CLUAP1: variants seen among roughly 807,000 people sequenced by gnomAD.
The protein encoded by CLUAP1 is intraflagellar transport 38.
CLUAP1 carries 50 observed loss-of-function variants against 55.0 expected under a neutral mutation model. The ratio of observed to expected loss-of-function variants is 0.91; its 90% CI spans 0.72 to 1.15. The LOEUF (loss-of-function observed/expected upper bound fraction) is 1.15, where lower values mean the gene tolerates loss of function less well. Ranked by LOEUF, CLUAP1 falls within the 50% of genes most tolerant of loss-of-function variation. The pLI is 0.00. For missense variants in CLUAP1, 530 were observed against 507.6 expected, an observed-to-expected ratio of 1.04 and a Z score of -0.42; for synonymous variants, 195 against 175.4, an observed-to-expected ratio of 1.11 and a Z score of -0.88.
intron 10 of CLUAP1, among the ~76,000 whole-genome samples, chr16:3,531,394 C>T (rs1051078799): frequency 1.3e-5 from 2 of 151,748 alleles, no homozygotes; most frequent in Non-Finnish European, 2.9e-5. Flanking sequence ...CAATGGCGGG[C>T]GCCCATAGTC....
At chr16:3,507,787 G>A (rs1157268975) in intron 3 of CLUAP1, among the ~76,000 whole-genome samples, 1 of 151,354 alleles carries the variant, frequency 6.6e-6, no homozygotes, top group Non-Finnish European at 1.5e-5. Context: ...TGTACTTACT[G>A]TACACTACAA....
chr16:3,496,611 C>G (rs2037314279), upstream of CLUAP1: 2 of 531,620 alleles, frequency 3.8e-6, no homozygotes, highest in Non-Finnish European at 7.5e-6. Context: ...GACGGCGGCC[C>G]CGTCCTACTC....
intron 1 of CLUAP1, among the ~76,000 whole-genome samples, chr16:3,502,995 T>G (rs1229829505): frequency 1.3e-5 from 2 of 152,098 alleles, no homozygotes; most frequent in East Asian, 3.9e-4. Context: ...TTTTCTGTTC[T>G]TTTTTTGAGA....
At position 3,538,947 on chromosome 16, in the gene CLUAP1, C is replaced by T. The variant is rs577165067; in HGVS notation, c.*2676C>T. The T allele has an allele frequency of 2.0e-5, 3 of 152,106 alleles. No homozygotes were observed. Among genetic ancestry groups the T allele is most frequent in the Admixed American group, 2.0e-4 (3 of 15,288 alleles). 9.4% of individuals were successfully genotyped at this position (152,106 alleles called of 1,614,324 possible). ...TAGGTCAAATAGAAAACTAGCAGGC[C>T]ATTGCTGACAATTTTTACTATATAA... On this transcript the variant is annotated 3_prime_UTR_variant, in exon 12 of 12. Transcript: ENST00000576634.
In CLUAP1 at chr16:3,519,973, T is replaced by C; in HGVS notation, c.650T>C (p.Ile217Thr). The C allele has an allele frequency of 6.2e-7, 1 of 1,613,566 alleles. No homozygotes were observed. The highest frequency in any genetic ancestry group is 8.5e-7 in the Non-Finnish European group (1 of 1,179,854). ...GATGAAGCTAATTTAGAAGCCAAAATCGAAAAGAGAAAATTAGAACTGGAA... is the reference window on the plus strand; with the variant it reads ...GATGAAGCTAATTTAGAAGCCAAAACCGAAAAGAGAAAATTAGAACTGGAA... ...ASDEANLEAK[I>T]EKRKLELERN... is the part of the protein sequence containing the mutation. The change falls in exon 7 of 12, where the codon ATC becomes ACC. Residue 217 changes from isoleucine (I) to threonine (T), a missense_variant. Coordinates refer to ENST00000576634, the MANE Select transcript of CLUAP1 (RefSeq NM_015041.3).
intron 11 of CLUAP1, chr16:3,534,742 C>T (rs1396213113): frequency 6.6e-6 from 1 of 152,196 alleles, no homozygotes; most frequent in African/African-American, 2.4e-5. Context: ...CAGCAGAAAG[C>T]AGAGTTTCAT....
intron 11 of CLUAP1, 194 bp from the exon 12 acceptor site, chr16:3,535,928 T>C (rs1042716191): frequency 6.8e-5 from 42 of 618,286 alleles, no homozygotes; most frequent in Non-Finnish European, 1.0e-4. Flanking sequence ...AGGATTCTGG[T>C]TGGATGATAA....
At chr16:3,512,804 C>T (rs1252721406) in intron 5 of CLUAP1, among the ~76,000 whole-genome samples, 3 of 152,182 alleles carry the variant, frequency 2.0e-5, no homozygotes, top group Admixed American at 1.3e-4. Context: ...CCTCAGCCTC[C>T]CAAGTAGCTG....
At chr16:3,518,525 C>T (rs1279949781) in intron 6 of CLUAP1, among the ~76,000 whole-genome samples, 1 of 152,154 alleles carries the variant, frequency 6.6e-6, no homozygotes, top group Admixed American at 6.5e-5. Context: ...GTGGATCTTT[C>T]TTGTTTGAGG....
chr16:3,519,145 G>T (rs1049051557), intron 6 of CLUAP1, among the ~76,000 whole-genome samples: 1 of 152,170 alleles, frequency 6.6e-6, no homozygotes, highest in Non-Finnish European at 1.5e-5. Flanking sequence ...GACTCTACCT[G>T]CTTCAAATGA....
At chr16:3,505,546 CAA>C (rs1230388490) in intron 2 of CLUAP1, among the ~76,000 whole-genome samples, 98 of 59,620 alleles carry the variant, frequency 1.6e-3, no homozygotes, top group Admixed American at 4.8e-3. Flanking sequence ...GACTCCGTCT[CAA>C]AAAAAAAAAA....
chr16:3,536,081 A>C, intron 11 of CLUAP1, 41 bp from the exon 12 acceptor site: 3 of 1,605,276 alleles, frequency 1.9e-6, no homozygotes, highest in Non-Finnish European at 1.7e-6. Context: ...GTCAGGAATG[A>C]GGCAGGATCC....
At chr16:3,520,109 A>G in intron 7 of CLUAP1, 73 bp downstream of exon 7, 3 of 1,430,562 alleles carry the variant, frequency 2.1e-6, no homozygotes, top group Non-Finnish European at 2.8e-6. Flanking sequence ...GTGGTGGCTC[A>G]TGTCTGAAAT....
chr16:3,508,564 C>T (rs1457337900), intron 4 of CLUAP1, 96 bp downstream of exon 4: 5 of 1,170,278 alleles, frequency 4.3e-6, no homozygotes, highest in Non-Finnish European at 5.8e-6. Context: ...GCTTTTCTTC[C>T]TCCTCAGCTG....
chr16:3,495,488 C>G, the CLUAP1 span: 12 of 1,576,212 alleles, frequency 7.6e-6, no homozygotes, highest in Non-Finnish European at 1.0e-5. Context: ...TCTCCCCTGC[C>G]TAGGGGGTAC....
intron 6 of CLUAP1, among the ~76,000 whole-genome samples, chr16:3,519,006 T>TG (rs1230199746): frequency 6.6e-6 from 1 of 152,160 alleles, no homozygotes; most frequent in African/African-American, 2.4e-5. Flanking sequence ...GCCAGAACCC[T>TG]GGGGGGCAGT....
At chr16:3,525,708 G>T (rs118029895) in intron 8 of CLUAP1, among the ~76,000 whole-genome samples, 9,200 of 152,086 alleles carry the variant, frequency 0.06, 405 homozygotes, top group East Asian at 0.16. Context: ...GGGACTATAG[G>T]CACTTGCCAC....
upstream of CLUAP1, among the ~76,000 whole-genome samples, chr16:3,497,101 C>T (rs1350379025): frequency 2.0e-5 from 3 of 151,702 alleles, no homozygotes; most frequent in Admixed American, 6.6e-5. Context: ...AAACTCCTGA[C>T]GTCAGGTGAT....
At chr16:3,529,461 T>C (rs2038017300) in intron 9 of CLUAP1, among the ~76,000 whole-genome samples, 1 of 80,058 alleles carries the variant, frequency 1.2e-5, no homozygotes, top group African/African-American at 5.6e-5. Flanking sequence ...TTATTATATA[T>C]AATATATATT....
Sources: gnomAD v4.1 joint callset for allele counts (sites outside exome capture counted in the v4.1 genomes callset) on GRCh38, gnomAD v4.1.1 for gene constraint, MANE v1.5 for transcripts, NCBI Gene and HGNC (gene_info 2026-07-23, HGNC 2026-07-21) for gene names.